The following KIF17 variants were observed in gnomAD, a reference collection of about 807,000 sequenced individuals.
KIF17 encodes kinesin-like protein KIF17.
In KIF17, 80 loss-of-function variants were observed where a neutral mutation model predicts 96.8. The observed-to-expected ratio is 0.83, with a 90% CI of 0.69 to 1.00. KIF17 has a LOEUF of 1.00. Ranked by LOEUF, KIF17 falls within the 50% of genes least tolerant of loss-of-function variation. KIF17 has a pLI of 0.00. For missense variants in KIF17, 1,280 were observed against 1,372.9 expected, an observed-to-expected ratio of 0.93 and a Z score of 1.07; for synonymous variants, 567 against 587.5, an observed-to-expected ratio of 0.97 and a Z score of 0.51.
At chr1:20,715,693 TC>T in intron 1 of KIF17, 54 bp from the exon 2 acceptor site, 3 of 1,607,300 alleles carry the variant, frequency 1.9e-6, no homozygotes, top group Non-Finnish European at 2.5e-6. Context: ...ACAGCAGGGC[TC>T]GGGACAGGGC....
At chr1:20,666,744 C>T (rs2053536584) in intron 13 of KIF17, among the ~76,000 whole-genome samples, 1 of 152,218 alleles carries the variant, frequency 6.6e-6, no homozygotes, top group African/African-American at 2.4e-5. Flanking sequence ...CATTTGTGAT[C>T]ATTAGAACTG....
rs1488025730 is a variant in KIF17 at position 20,687,368 on chromosome 1, C to T, written c.1938+20G>A. The T allele has an allele frequency of 1.2e-6, 2 of 1,612,264 alleles. No homozygotes were observed. Among genetic ancestry groups the T allele is most frequent in the South Asian group, 1.1e-5 (1 of 91,014 alleles). ...CTGCCTGCTCAGTGTTCACATGGCACCATGCGTGACATCAGCTACCTGCAC... is the reference window on the plus strand; with the variant it reads ...CTGCCTGCTCAGTGTTCACATGGCATCATGCGTGACATCAGCTACCTGCAC... On this transcript the variant is annotated intron_variant, in intron 8 of 14. Transcript: ENST00000400463. This position sits in a 1 kb window ranked among gnomAD's most constrained non-coding sequence, Gnocchi z 4.4.
chr1:20,669,987 G>C (rs1422849765), intron 13 of KIF17, among the ~76,000 whole-genome samples: 2 of 59,720 alleles, frequency 3.3e-5, no homozygotes, highest in Non-Finnish European at 7.1e-5. Flanking sequence ...ACTGAGCTTA[G>C]AAAAAGAAAA....
downstream of KIF17, among the ~76,000 whole-genome samples, chr1:20,663,600 C>A (rs1433911638): frequency 1.3e-5 from 2 of 152,286 alleles, no homozygotes; most frequent in Admixed American, 6.5e-5. Context: ...TGGAGCCCCC[C>A]ACAGGACTGG....
chr1:20,713,911 G>A (rs558289917), intron 2 of KIF17, among the ~76,000 whole-genome samples: 5 of 152,196 alleles, frequency 3.3e-5, no homozygotes, highest in Admixed American at 6.5e-5. Context: ...AAAACAGGGC[G>A]GGGCGCTGCT....
chr1:20,698,149 G>A (rs111679915), intron 6 of KIF17, among the ~76,000 whole-genome samples: 1 of 152,146 alleles, frequency 6.6e-6, no homozygotes, highest in Non-Finnish European at 1.5e-5. Context: ...GCCCTAAGGC[G>A]GCATTGAATG....
At position 20,709,268 on chromosome 1, in the gene KIF17, C is replaced by G. The variant is rs975434888; in HGVS notation, c.670+371G>C. ...CATGGTGGTGTGCATGTAGTCCCAG[C>G]TGCTCAGGAGGCTGAGGTGGGAGGC... On this transcript the variant is annotated intron_variant, in intron 4 of 14. Transcript: ENST00000400463. The surrounding 1 kb of genome is among the most constrained non-coding windows in gnomAD (Gnocchi z 4.7). Among the ~76,000 whole-genome samples, 1 of 152,164 alleles carries G rather than the reference C, an allele frequency of 6.6e-6. No homozygotes were observed. The highest frequency in any genetic ancestry group is 1.5e-5 in the Non-Finnish European group (1 of 68,024).
chr1:20,692,931 G>C (rs572112732), intron 6 of KIF17, among the ~76,000 whole-genome samples: 1 of 151,610 alleles, frequency 6.6e-6, no homozygotes, highest in Non-Finnish European at 1.5e-5. Context: ...ATGCCACCAC[G>C]CCTGGCTAAT....
At position 20,690,348 on chromosome 1, in the gene KIF17, G is replaced by GCCGC; in HGVS notation, c.1234-14_1234-13insGCGG. The GCCGC allele has an allele frequency of 4.0e-6, 3 of 757,404 alleles. No homozygotes were observed. The highest frequency in any genetic ancestry group is 6.4e-6 in the Non-Finnish European group (3 of 468,104). 46.9% of individuals were successfully genotyped at this position (757,404 alleles called of 1,614,324 possible). On this transcript the variant is annotated splice_polypyrimidine_tract_variant and intron_variant, in intron 6 of 14. Transcript: ENST00000400463. The stretch of plus-strand genomic sequence containing the variant: ...GCTCTTCATACTCCTGGGGGGGTGG[G>GCCGC]AGGGACCAGAGGGCAGGCAGCATTT...
At chr1:20,681,363 A>AT (rs561460782) in intron 11 of KIF17, among the ~76,000 whole-genome samples, 61 of 150,430 alleles carry the variant, frequency 4.1e-4, no homozygotes, top group African/African-American at 1.4e-3. Context: ...TAATTTTTGT[A>AT]TTTTTTTTAG....
Position 20,687,917 on chromosome 1 carries a change from T to C in KIF17, c.1409A>G (p.Tyr470Cys). ...AGCCCTGGACATGACCTCAGCCTTG[T>C]AGAGGACTCCCACCTGCAGGACAGC... ...TEAVLQVGVL[Y>C]KAEVMSRAEF... Residue 470 changes from tyrosine to cysteine, a missense_variant, in exon 8 of 15, where the codon TAC (tyrosine) becomes TGC (cysteine). By Grantham distance (194) the Tyr-to-Cys change is radical. Coordinates refer to ENST00000400463, the MANE Select transcript of KIF17 (RefSeq NM_001122819.3). This position sits in a 1 kb window ranked among gnomAD's most constrained non-coding sequence, Gnocchi z 4.4. 6.2e-7 allele frequency: 1 copy of C among 1,613,758 alleles called. No individual in the cohort carries two copies. Among genetic ancestry groups the C allele is most frequent in the Non-Finnish European group, 8.5e-7 (1 of 1,180,020 alleles).
Position 20,672,193 on chromosome 1 carries a change from G to A in KIF17, c.2467C>T (p.Arg823Trp), listed in dbSNP as rs770110174. ...KLLEKMQRKL[R>W]AAEVEIKDLQ... ...TCTTTGATCTCCACCTCTGCTGCCC[G>A]AAGCTGAAAGCAAAGGATGACAAGC... Residue 823 changes from arginine to tryptophan, a missense_variant, in exon 12 of 15, where the codon CGG becomes TGG. Coordinates refer to ENST00000400463, the MANE Select transcript of KIF17 (RefSeq NM_001122819.3). The surrounding 1 kb of genome is among the most constrained non-coding windows in gnomAD (Gnocchi z 4.3). The A allele has an allele frequency of 2.4e-5, 38 of 1,614,002 alleles. No homozygotes were observed. The highest frequency in any genetic ancestry group is 3.3e-5 in the South Asian group (3 of 91,074).
intron 4 of KIF17, among the ~76,000 whole-genome samples, chr1:20,707,164 CTTAACCACG>C (rs1463374916): frequency 5.9e-5 from 9 of 152,208 alleles, no homozygotes; most frequent in African/African-American, 2.2e-4. Context: ...GACCAGAAGC[CTTAACCACG>C]TTTGTTATCT....
chr1:20,712,962 A>G (rs2054504008), intron 3 of KIF17, among the ~76,000 whole-genome samples: 1 of 135,650 alleles, frequency 7.4e-6, no homozygotes, highest in South Asian at 2.1e-4. Context: ...TCTATATTAT[A>G]TATATATTAT....
intron 8 of KIF17, chr1:20,686,449 G>A: frequency 2.1e-6 from 1 of 477,908 alleles, no homozygotes; most frequent in Non-Finnish European, 3.8e-6. Context: ...GGAAGTGGTA[G>A]ACCTGGGATC....
At position 20,704,071 on chromosome 1, in the gene KIF17, C is replaced by T. The variant is rs2054294161; in HGVS notation, c.1123+376G>A. On this transcript the variant is annotated intron_variant, in intron 5 of 14. Transcript: ENST00000400463. The surrounding 1 kb of genome is among the most constrained non-coding windows in gnomAD (Gnocchi z 6.8). Reference sequence around the variant, plus strand: ...GGTGCCTGCGAGGAGCAGGTGTGGCCGTGGGGAGTGAGTTGCCAGCTGCTG... The same window carrying T: ...GGTGCCTGCGAGGAGCAGGTGTGGCTGTGGGGAGTGAGTTGCCAGCTGCTG... 1.4e-5 allele frequency among the ~76,000 whole-genome samples: 2 copies of T among 143,624 alleles called. No individual in the cohort carries two copies. The highest frequency in any genetic ancestry group is 2.3e-4 in the South Asian group (1 of 4,388). 94.2% of individuals were successfully genotyped at this position (143,624 alleles called of 152,430 possible).
chr1:20,669,812 G>A (rs2053605752), intron 13 of KIF17, among the ~76,000 whole-genome samples: 1 of 123,000 alleles, frequency 8.1e-6, no homozygotes, highest in Non-Finnish European at 1.6e-5. Context: ...GTTGCAGTGA[G>A]CCAAGATCGC....
intron 1 of KIF17, among the ~76,000 whole-genome samples, chr1:20,716,241 CA>C (rs71585780): frequency 0.013 from 1,416 of 111,730 alleles, 12 homozygotes; most frequent in African/African-American, 0.03. Context: ...GACTCCGTCT[CA>C]AAAAAAAAAA....
Position 20,690,352 on chromosome 1 carries a change from G to GGGCCCCCCC in KIF17, c.1234-18_1234-17insGGGGGGGCC. On this transcript the variant is annotated splice_polypyrimidine_tract_variant and intron_variant, in intron 6 of 14. Transcript: ENST00000400463. ...TTCATACTCCTGGGGGGGTGGGAGGGACCAGAGGGCAGGCAGCATTTTATC... is the reference window on the plus strand; with the variant it reads ...TTCATACTCCTGGGGGGGTGGGAGGGGGCCCCCCCACCAGAGGGCAGGCAGCATTTTATC... 4 of 451,144 alleles carry GGGCCCCCCC rather than the reference G, an allele frequency of 8.9e-6. No homozygotes were observed. The highest frequency in any genetic ancestry group is 1.7e-5 in the Non-Finnish European group (4 of 235,134). 27.9% of individuals were successfully genotyped at this position (451,144 alleles called of 1,614,324 possible). A position where few individuals can be genotyped will look rare whatever the true frequency, so the allele number is the denominator to read the frequency against.
Sources: gnomAD v4.1 joint callset for allele counts (sites outside exome capture counted in the v4.1 genomes callset) on GRCh38, gnomAD v4.1.1 for gene constraint, Gnocchi (gnomAD v3.1) non-coding constraint, MANE v1.5 for transcripts, NCBI Gene and HGNC (gene_info 2026-07-23, HGNC 2026-07-21) for gene names.